Variants in SP8 observed in about 807,000 individuals in gnomAD.
SP8 encodes transcription factor Sp8.
SP8 carries 7 observed loss-of-function variants against 15.3 expected under a neutral mutation model. That is an observed-to-expected ratio of 0.46 (90% confidence interval 0.26 to 0.86). The LOEUF (loss-of-function observed/expected upper bound fraction) is 0.86, where lower values mean the gene tolerates loss of function less well. Among genes scored for constraint, SP8 ranks in the 40% least tolerant of loss-of-function variants. The probability of loss-of-function intolerance (pLI) is 0.16; values close to 1 mark genes in which losing one functional copy is unlikely to be tolerated. For missense variants in SP8, 731 were observed against 736.4 expected (o/e 0.99, Z 0.09); for synonymous variants, 415 against 356.3 (o/e 1.16, Z -1.86).
In SP8 at chr7:20,784,672, C is replaced by T. The variant is rs1783605106; in HGVS notation, c.1145G>A (p.Gly382Asp). 6.2e-7 allele frequency: 1 copy of T among 1,609,010 alleles called. No homozygotes were observed. The highest frequency in any genetic ancestry group is 1.1e-5 in the South Asian group (1 of 90,652). Residue 382 changes from glycine (G) to aspartate (D), a missense_variant, in exon 2 of 2, where the codon GGC becomes GAC. By Grantham distance (94) the Gly-to-Asp change is moderately conservative (BLOSUM62 -1). Coordinates refer to ENST00000418710, the MANE Select transcript of SP8 (RefSeq NM_182700.6). ...GTGCGAAGTCTTGCCGTACACCTTG[C>T]CGCAGCCCGGGATGTGGCAGCTGTG... ...GLHSCHIPGC[G>D]KVYGKTSHLK...
chr7:20,784,478 C>T lies in SP8; in HGVS notation c.1339G>A (p.Asp447Asn). 6.4e-7 allele frequency: 1 copy of T among 1,551,734 alleles called. No individual in the cohort carries two copies. Among genetic ancestry groups the T allele is most frequent in the Non-Finnish European group, 8.7e-7 (1 of 1,149,248 alleles). Residue 447 changes from aspartate to asparagine, a missense_variant, in exon 2 of 2, where the codon GAC (aspartate) becomes AAC (asparagine). Asp to Asn is a conservative substitution (Grantham distance 23). Transcript: ENST00000418710. The part of the protein sequence containing the change: ...PVCNKRFMRS[D>N]HLSKHVKTHS... The stretch of plus-strand genomic sequence containing the variant: ...GTCTTCACGTGCTTGCTGAGGTGGT[C>T]GCTGCGCATGAAGCGCTTGTTGCAA...
At position 20,782,713 on chromosome 7, in the gene SP8, C is replaced by G. The variant is rs76900755; in HGVS notation, c.*1577G>C. 102 of 152,658 alleles carry G rather than the reference C, an allele frequency of 6.7e-4. No individual in the cohort carries two copies. Among genetic ancestry groups the G allele is most frequent in the African/African-American group, 2.1e-3 (88 of 41,538 alleles). The allele number at this position is 152,658 out of a possible 1,614,324, so 9.5% of individuals were successfully genotyped here. A position where few individuals can be genotyped will look rare whatever the true frequency, so the allele number is the denominator to read the frequency against. On this transcript the variant is annotated 3_prime_UTR_variant, in exon 2 of 2. Coordinates refer to ENST00000418710, the MANE Select transcript of SP8 (RefSeq NM_182700.6). ...TATTGTCTTAGTTACAGCTTGATAC[C>G]TATCTAAATTCATATTCGAGCAAAA...
Position 20,784,901 on chromosome 7 carries a change from G to GTT in SP8, c.915_916insAA (p.Pro306AsnfsTer21). Reference sequence around the variant, plus strand: ...GGGGCCGAGTCCGGGTAGGAGCCGGGTAGCACTGGCTTGAAGCCGTCCATG... The same window carrying GTT: ...GGGGCCGAGTCCGGGTAGGAGCCGGGTTTAGCACTGGCTTGAAGCCGTCCATG... On this transcript the variant is annotated frameshift_variant, in exon 2 of 2. Transcript: ENST00000418710. LOFTEE classifies it high-confidence loss of function. 1 of 1,536,892 alleles carries GTT rather than the reference G, an allele frequency of 6.5e-7. No individual in the cohort carries two copies. The highest frequency in any genetic ancestry group is 8.7e-7 in the Non-Finnish European group (1 of 1,147,840).
Position 20,784,173 on chromosome 7 carries a change from GAGAC to G in SP8, c.*113_*116del. 2 of 931,562 alleles carry G rather than the reference GAGAC, an allele frequency of 2.1e-6. No individual in the cohort carries two copies. The highest frequency in any genetic ancestry group is 3.0e-6 in the Non-Finnish European group (2 of 677,236). 57.7% of individuals were successfully genotyped at this position (931,562 alleles called of 1,614,324 possible). A position where few individuals can be genotyped will look rare whatever the true frequency, so the allele number is the denominator to read the frequency against. On this transcript the variant is annotated 3_prime_UTR_variant, in exon 2 of 2. Coordinates refer to ENST00000418710, the MANE Select transcript of SP8 (RefSeq NM_182700.6). ...GAAGGAAGAGGGGCAGAAACAGAAA[GAGAC>G]AGAGAGCGAGTCGGATGCAATAGGG...
At position 20,785,537 on chromosome 7, in the gene SP8, C is replaced by T. The variant is rs769341609; in HGVS notation, c.280G>A (p.Ala94Thr). Residue 94 changes from alanine to threonine, a missense_variant, in exon 2 of 2, where the codon GCC becomes ACC. Coordinates refer to ENST00000418710, the MANE Select transcript of SP8 (RefSeq NM_182700.6). The surrounding 1 kb of genome is among the most constrained non-coding windows in gnomAD (Gnocchi z 7.2). ...GACACCAGGGCCGCGGCAGCCGCGG[C>T]TGCTGCCGCGGCCGCCGCAGCCGCC... is the stretch of plus-strand genomic sequence containing the variant. ...SSAAAAAAAAAAAAAALVSDS... is the reference protein window; with the variant it reads ...SSAAAAAAAATAAAAALVSDS... 5.8e-6 allele frequency: 8 copies of T among 1,370,048 alleles called. No homozygotes were observed. The highest frequency in any genetic ancestry group is 6.7e-5 in the East Asian group (2 of 29,972). 84.9% of individuals were successfully genotyped at this position (1,370,048 alleles called of 1,614,324 possible). A position where few individuals can be genotyped will look rare whatever the true frequency, so the allele number is the denominator to read the frequency against.
chr7:20,782,943 ACCTCACAC>A lies in SP8; in HGVS notation c.*1339_*1346del, dbSNP rs1452020130. 1 of 152,574 alleles carries A rather than the reference ACCTCACAC, an allele frequency of 6.6e-6. No homozygotes were observed. The highest frequency in any genetic ancestry group is 1.5e-5 in the Non-Finnish European group (1 of 68,044). The allele number at this position is 152,574 out of a possible 1,614,324, so 9.5% of individuals were successfully genotyped here. ...ACAAAATCGTCTCCTGGACAACTGC[ACCTCACAC>A]CCTTACACTGGCGGAGTTATATTTA... is the stretch of plus-strand genomic sequence containing the variant. On this transcript the variant is annotated 3_prime_UTR_variant, in exon 2 of 2. Transcript: ENST00000418710.
Position 20,785,527 on chromosome 7 carries a change from GCA to G in SP8, c.288_289del (p.Ala97ArgfsTer111). 2 of 1,378,500 alleles carry G rather than the reference GCA, an allele frequency of 1.5e-6. No homozygotes were observed. The highest frequency in any genetic ancestry group is 3.1e-5 in the East Asian group (1 of 32,078). 85.4% of individuals were successfully genotyped at this position (1,378,500 alleles called of 1,614,324 possible). ...GAACGAGTCGGACACCAGGGCCGCG[GCA>G]GCCGCGGCTGCTGCCGCGGCCGCCG... is the stretch of plus-strand genomic sequence containing the variant. On this transcript the variant is annotated frameshift_variant, in exon 2 of 2. Transcript: ENST00000418710. LOFTEE classifies it low-confidence loss of function (END_TRUNC). This position sits in a 1 kb window ranked among gnomAD's most constrained non-coding sequence, Gnocchi z 7.2.
Position 20,785,553 on chromosome 7 carries a change from C to T in SP8, c.264G>A (p.Ala88=). Residue 88 remains alanine, a synonymous_variant, in exon 2 of 2, where the codon GCG becomes GCA. Coordinates refer to ENST00000418710, the MANE Select transcript of SP8 (RefSeq NM_182700.6). This position sits in a 1 kb window ranked among gnomAD's most constrained non-coding sequence, Gnocchi z 7.2. ...SRNGGSSSAA[A]AAAAAAAAAA... ...CAGCCGCGGCTGCTGCCGCGGCCGC[C>T]GCAGCCGCCGAGGACGAGCCGCCGT... is the stretch of plus-strand genomic sequence containing the variant. 1 of 1,474,890 alleles carries T rather than the reference C, an allele frequency of 6.8e-7. No homozygotes were observed. Among genetic ancestry groups the T allele is most frequent in the South Asian group, 1.2e-5 (1 of 80,098 alleles). The allele number at this position is 1,474,890 out of a possible 1,614,324, so 91.4% of individuals were successfully genotyped here. A position where few individuals can be genotyped will look rare whatever the true frequency, so the allele number is the denominator to read the frequency against.
Position 20,785,845 on chromosome 7 carries a change from C to G in SP8, c.22-50G>C, listed in dbSNP as rs1444103212. On this transcript the variant is annotated intron_variant, in intron 1 of 1. Transcript: ENST00000418710. This position sits in a 1 kb window ranked among gnomAD's most constrained non-coding sequence, Gnocchi z 7.2. ...TGGGGGAGGGGAGGTGGGCAAAGGG[C>G]CGGTGGGGGAGGAAAGGAAGAAATG... 6 of 1,543,324 alleles carry G rather than the reference C, an allele frequency of 3.9e-6. No homozygotes were observed. The highest frequency in any genetic ancestry group is 5.3e-6 in the Non-Finnish European group (6 of 1,128,404).
chr7:20,783,853 G>GC lies in SP8; in HGVS notation c.*436_*437insG, dbSNP rs11435609. On this transcript the variant is annotated 3_prime_UTR_variant, in exon 2 of 2. Transcript: ENST00000418710. Reference sequence around the variant, plus strand: ...CCTCTCCACCGCTCCGCTCAGGCTTGTCAGCCGAGCCGCTCCTGCCCGCGC... The same window carrying GC: ...CCTCTCCACCGCTCCGCTCAGGCTTGCTCAGCCGAGCCGCTCCTGCCCGCGC... The GC allele has an allele frequency of 1, 165,282 of 165,288 alleles. 82,638 individuals are homozygous for GC. Among genetic ancestry groups the GC allele is most frequent in the Middle Eastern group, 1 (338 of 338 alleles). 10.2% of individuals were successfully genotyped at this position (165,288 alleles called of 1,614,324 possible). A position where few individuals can be genotyped will look rare whatever the true frequency, so the allele number is the denominator to read the frequency against.
Position 20,784,889 on chromosome 7 carries a change from G to T in SP8, c.928C>A (p.Pro310Thr), listed in dbSNP as rs760107060. 1 of 1,531,830 alleles carries T rather than the reference G, an allele frequency of 6.5e-7. No homozygotes were observed. The highest frequency in any genetic ancestry group is 2.0e-5 in the Admixed American group (1 of 50,822). 94.9% of individuals were successfully genotyped at this position (1,531,830 alleles called of 1,614,324 possible). A position where few individuals can be genotyped will look rare whatever the true frequency, so the allele number is the denominator to read the frequency against. Residue 310 changes from proline (P) to threonine (T), a missense_variant, in exon 2 of 2, where the codon CCG becomes ACG. Physicochemically the swap from Pro to Thr is conservative, Grantham distance 38. Coordinates refer to ENST00000418710, the MANE Select transcript of SP8 (RefSeq NM_182700.6). ...GFKPVLPGSY[P>T]DSAPSPLAGA... ...GCCAGCGGCGACGGGGCCGAGTCCG[G>T]GTAGGAGCCGGGTAGCACTGGCTTG...
rs755957403 is a variant in SP8, at chr7:20,784,838, C to G, written c.979G>C (p.Ala327Pro). The G allele has an allele frequency of 1.3e-6, 2 of 1,525,578 alleles. No homozygotes were observed. The highest frequency in any genetic ancestry group is 1.7e-6 in the Non-Finnish European group (2 of 1,143,014). 94.5% of individuals were successfully genotyped at this position (1,525,578 alleles called of 1,614,324 possible). A position where few individuals can be genotyped will look rare whatever the true frequency, so the allele number is the denominator to read the frequency against. ...CCCCCCAGCGGCGCCGAAGGCCCAG[C>G]GCTCAACATGGAGCCCCCCGCGCCG... ...LAGAGGSMLSAGPSAPLGGSP... is the reference protein window; with the variant it reads ...LAGAGGSMLSPGPSAPLGGSP... The change falls in exon 2 of 2, where the codon GCT (alanine) becomes CCT (proline). Residue 327 changes from alanine (A) to proline (P), a missense_variant. Physicochemically the swap from Ala to Pro is conservative, Grantham distance 27. Transcript: ENST00000418710.
Position 20,785,406 on chromosome 7 carries a change from C to G in SP8, c.411G>C (p.Ser137=). 8.0e-7 allele frequency: 1 copy of G among 1,242,436 alleles called. No individual in the cohort carries two copies. The highest frequency in any genetic ancestry group is 1.0e-6 in the Non-Finnish European group (1 of 974,122). 77.0% of individuals were successfully genotyped at this position (1,242,436 alleles called of 1,614,324 possible). The change falls in exon 2 of 2, where the codon TCG becomes TCC. Residue 137 remains serine, a synonymous_variant. Coordinates refer to ENST00000418710, the MANE Select transcript of SP8 (RefSeq NM_182700.6). The surrounding 1 kb of genome is among the most constrained non-coding windows in gnomAD (Gnocchi z 7.2). ...AAAAAAAASS[S]PFANDYSVFQ... ...AAACAGAGTAGTCGTTGGCGAAGGG[C>G]GAGCTGGAGGCGGCGGCTGCGGCGG...
Position 20,784,239 on chromosome 7 carries a change from A to C in SP8, c.*51T>G. 2.2e-6 allele frequency: 3 copies of C among 1,390,724 alleles called. No individual in the cohort carries two copies. Among genetic ancestry groups the C allele is most frequent in the Non-Finnish European group, 2.8e-6 (3 of 1,071,154 alleles). The allele number at this position is 1,390,724 out of a possible 1,614,324, so 86.1% of individuals were successfully genotyped here. A position where few individuals can be genotyped will look rare whatever the true frequency, so the allele number is the denominator to read the frequency against. On this transcript the variant is annotated 3_prime_UTR_variant, in exon 2 of 2. Coordinates refer to ENST00000418710, the MANE Select transcript of SP8 (RefSeq NM_182700.6). ...TTGAAGTCCGGACAGACAGGGCCCA[A>C]GAGGACTTGGTGGGAGGAGGTCGGG...
rs1783668024 is a variant in SP8, at chr7:20,785,978, C to T, written c.22-183G>A. On this transcript the variant is annotated intron_variant, in intron 1 of 1. Coordinates refer to ENST00000418710, the MANE Select transcript of SP8 (RefSeq NM_182700.6). This position sits in a 1 kb window ranked among gnomAD's most constrained non-coding sequence, Gnocchi z 7.2. ...ACCCCCAACAGCCCCGGCGCCCGGC[C>T]GCTTCCTACTCTACAGGAGGGGACA... 1 of 1,443,560 alleles carries T rather than the reference C, an allele frequency of 6.9e-7. No homozygotes were observed. Among genetic ancestry groups the T allele is most frequent in the Non-Finnish European group, 9.1e-7 (1 of 1,100,724 alleles). 89.4% of individuals were successfully genotyped at this position (1,443,560 alleles called of 1,614,324 possible). A position where few individuals can be genotyped will look rare whatever the true frequency, so the allele number is the denominator to read the frequency against.
At position 20,783,969 on chromosome 7, in the gene SP8, G is replaced by A. The variant is rs1009692993; in HGVS notation, c.*321C>T. The A allele has an allele frequency of 2.7e-5, 10 of 366,934 alleles. No homozygotes were observed. Among genetic ancestry groups the A allele is most frequent in the Admixed American group, 9.7e-5 (2 of 20,656 alleles). 22.7% of individuals were successfully genotyped at this position (366,934 alleles called of 1,614,324 possible). A position where few individuals can be genotyped will look rare whatever the true frequency, so the allele number is the denominator to read the frequency against. On this transcript the variant is annotated 3_prime_UTR_variant, in exon 2 of 2. Transcript: ENST00000418710. ...AGTTACGCCCTTCACAACCTGGGGGGTGGAGGAGGGGAGGACAAGGAAGAG... is the reference window on the plus strand; with the variant it reads ...AGTTACGCCCTTCACAACCTGGGGGATGGAGGAGGGGAGGACAAGGAAGAG...
rs201512381 is a variant in SP8, at chr7:20,785,653, G to A, written c.164C>T (p.Ser55Leu). Residue 55 changes from serine to leucine, a missense_variant, in exon 2 of 2, where the codon TCG becomes TTG. Ser to Leu is a moderately radical substitution (Grantham distance 145, BLOSUM62 -2). Transcript: ENST00000418710. The surrounding 1 kb of genome is among the most constrained non-coding windows in gnomAD (Gnocchi z 7.2). ...GKGFHPWKRS[S>L]SSSSASCNVV... ...GTTGCAGCTGGCGGAAGAAGAGGAC[G>A]AGGAGCGTTTCCAGGGGTGGAAGCC... The A allele has an allele frequency of 1.8e-5, 29 of 1,613,888 alleles. No homozygotes were observed. In the African/African-American group the frequency reaches 3.5e-4, roughly 19 times the overall value.
rs1783642354 is a variant in SP8 at position 20,785,466 on chromosome 7, G to C, written c.351C>G (p.Ser117=). Residue 117 remains serine (S), a synonymous_variant, in exon 2 of 2, where the codon TCC becomes TCG. Transcript: ENST00000418710. The surrounding 1 kb of genome is among the most constrained non-coding windows in gnomAD (Gnocchi z 7.2). ...CGGSPGSSAF[S]LTSSSAAAAA... ...CGGCTGCGGCGCTGCTGGAGGTGAG[G>C]GAGAAGGCGCTGGAGCCAGGCGAGC... The C allele has an allele frequency of 2.2e-6, 3 of 1,373,820 alleles. No homozygotes were observed. The highest frequency in any genetic ancestry group is 2.8e-6 in the Non-Finnish European group (3 of 1,064,712). The allele number at this position is 1,373,820 out of a possible 1,614,324, so 85.1% of individuals were successfully genotyped here. A position where few individuals can be genotyped will look rare whatever the true frequency, so the allele number is the denominator to read the frequency against.
At position 20,782,575 on chromosome 7, in the gene SP8, G is replaced by A. The variant is rs934013809; in HGVS notation, c.*1715C>T. On this transcript the variant is annotated 3_prime_UTR_variant, in exon 2 of 2. Coordinates refer to ENST00000418710, the MANE Select transcript of SP8 (RefSeq NM_182700.6). ...TTTATTTAATACATGGGTTTTGGCA[G>A]ACCACTTATTATGAAATATAGGAGA... 1.3e-3 allele frequency: 1 copy of A among 770 alleles called. No homozygotes were observed. The highest frequency in any genetic ancestry group is 6.3e-3 in the Non-Finnish European group (1 of 158). 0.0% of individuals were successfully genotyped at this position (770 alleles called of 1,614,324 possible).
Sources: gnomAD v4.1 joint callset for allele counts on GRCh38, gnomAD v4.1.1 for gene constraint, Gnocchi (gnomAD v3.1) non-coding constraint, MANE v1.5 for transcripts, NCBI Gene and HGNC (gene_info 2026-07-23, HGNC 2026-07-21) for gene names.